Variants in JMY observed in about 807,000 individuals in gnomAD.
The protein encoded by JMY is junction-mediating and -regulatory protein.
A neutral mutation model predicts 103.3 loss-of-function variants in JMY; 46 were observed. The observed-to-expected ratio is 0.45, with a 90% CI of 0.35 to 0.57. The LOEUF (loss-of-function observed/expected upper bound fraction) is 0.57, where lower values mean the gene tolerates loss of function less well. JMY is among the 20% of genes least tolerant of loss of function. The probability of loss-of-function intolerance (pLI) is 0.00; values close to 1 mark genes in which losing one functional copy is unlikely to be tolerated. For missense variants in JMY, 1,238 were observed against 1,255.2 expected, an observed-to-expected ratio of 0.99 and a Z score of 0.21; for synonymous variants, 526 against 489.3, an observed-to-expected ratio of 1.07 and a Z score of -0.99.
intron 10 of JMY, among the ~76,000 whole-genome samples, chr5:79,317,754 A>T (rs113964576): frequency 4.6e-5 from 7 of 152,160 alleles, no homozygotes; most frequent in African/African-American, 1.7e-4. Flanking sequence ...GCTGGAGTGC[A>T]GTGGCACGTT....
chr5:79,282,064 G>A (rs139250081), intron 2 of JMY, among the ~76,000 whole-genome samples: 3,161 of 152,102 alleles, frequency 0.021, 132 homozygotes, highest in African/African-American at 0.071. Flanking sequence ...AAAATTGGCC[G>A]GGCATGGTGG....
Position 79,314,274 on chromosome 5 carries a change from C to T in JMY, c.2082C>T (p.Val694=). Residue 694 remains valine, a synonymous_variant, in exon 9 of 11, where the codon GTC becomes GTT. Transcript: ENST00000396137. ...TATTTTAGAGGTATCCTGGGCAAGT[C>T]ATACTTAAATCAACCAGATTACGAC... is the stretch of plus-strand genomic sequence containing the variant. ...RTFKQRYPGQ[V]ILKSTRLRLA... is the part of the protein sequence containing the mutation. 6.2e-7 allele frequency: 1 copy of T among 1,611,306 alleles called. No individual in the cohort carries two copies. Among genetic ancestry groups the T allele is most frequent in the African/African-American group, 1.3e-5 (1 of 74,872 alleles).
intron 4 of JMY, among the ~76,000 whole-genome samples, chr5:79,298,462 G>A (rs1357805928): frequency 1.3e-5 from 2 of 152,174 alleles, no homozygotes; most frequent in Admixed American, 1.3e-4. Flanking sequence ...GCGAGTCCAC[G>A]AGTCTCAAGG....
intron 1 of JMY, among the ~76,000 whole-genome samples, chr5:79,248,413 TCTC>T (rs1220203931): frequency 6.6e-6 from 1 of 151,682 alleles, no homozygotes; most frequent in African/African-American, 2.4e-5. Context: ...TGCAAGCAAT[TCTC>T]CTGCCTCAGC....
chr5:79,275,421 A>G (rs531032877), intron 1 of JMY, among the ~76,000 whole-genome samples: 6 of 152,212 alleles, frequency 3.9e-5, no homozygotes, highest in African/African-American at 1.4e-4. Context: ...TTGGCCTCCC[A>G]CAGTGCTGGG....
intron 6 of JMY, among the ~76,000 whole-genome samples, chr5:79,305,235 T>G (rs546373018): frequency 6.6e-6 from 1 of 152,252 alleles, no homozygotes; most frequent in African/African-American, 2.4e-5. Flanking sequence ...GCAGATCACT[T>G]GAGGTCAGGA....
chr5:79,307,568 C>T (rs544730694), intron 7 of JMY, among the ~76,000 whole-genome samples: 3 of 152,194 alleles, frequency 2.0e-5, no homozygotes, highest in East Asian at 1.9e-4. Flanking sequence ...CTGCTTTAAC[C>T]TCCTGGGACT....
intron 1 of JMY, among the ~76,000 whole-genome samples, chr5:79,252,158 T>A (rs978298765): frequency 3.3e-5 from 5 of 152,082 alleles, no homozygotes; most frequent in Admixed American, 6.6e-5. Context: ...GGTTTTGGTA[T>A]GTTGTGTTTC....
chr5:79,239,208 A>G (rs1049783664), intron 1 of JMY, among the ~76,000 whole-genome samples: 2 of 152,178 alleles, frequency 1.3e-5, no homozygotes, highest in African/African-American at 2.4e-5. Context: ...GGTTTACTGT[A>G]TGCTAAATGT....
intron 1 of JMY, among the ~76,000 whole-genome samples, chr5:79,272,758 C>T (rs974484387): frequency 2.0e-5 from 3 of 152,126 alleles, no homozygotes; most frequent in African/African-American, 4.8e-5. Flanking sequence ...CTCAGCTTCC[C>T]GAGTAGCTGG....
chr5:79,270,316 T>C (rs1445692688), intron 1 of JMY, among the ~76,000 whole-genome samples: 2 of 144,352 alleles, frequency 1.4e-5, no homozygotes, highest in East Asian at 2.0e-4. Context: ...ATTTAAAATA[T>C]ATATTTACAT....
chr5:79,276,747 C>T (rs909892254), intron 1 of JMY, among the ~76,000 whole-genome samples: 1 of 152,020 alleles, frequency 6.6e-6, no homozygotes, highest in Non-Finnish European at 1.5e-5. Context: ...GCTGGGACTA[C>T]AGGTGCACGC....
At chr5:79,238,402 CAA>C (rs11390364) in intron 1 of JMY, among the ~76,000 whole-genome samples, 11 of 148,714 alleles carry the variant, frequency 7.4e-5, no homozygotes, top group Admixed American at 3.3e-4. Flanking sequence ...CTTAAAATAA[CAA>C]AAAAAAAGTG....
At chr5:79,315,052 G>GT (rs1747174373) in intron 9 of JMY, among the ~76,000 whole-genome samples, 1 of 152,114 alleles carries the variant, frequency 6.6e-6, no homozygotes, top group Non-Finnish European at 1.5e-5. Context: ...TGTTAGGCAT[G>GT]TTTTAAAAAC....
At chr5:79,263,566 C>A (rs1356895867) in intron 1 of JMY, among the ~76,000 whole-genome samples, 1 of 151,994 alleles carries the variant, frequency 6.6e-6, no homozygotes, top group African/African-American at 2.4e-5. Flanking sequence ...GCTGATTTTT[C>A]ACTTTTTTGT....
intron 1 of JMY, among the ~76,000 whole-genome samples, chr5:79,248,862 G>T (rs1744990681): frequency 6.6e-6 from 1 of 152,104 alleles, no homozygotes; most frequent in Non-Finnish European, 1.5e-5. Context: ...GGGCTCTAGT[G>T]ATCCTCCCGC....
chr5:79,318,761 T>TATATATATAGAG (rs1218912301), intron 10 of JMY, among the ~76,000 whole-genome samples: 1 of 53,612 alleles, frequency 1.9e-5, no homozygotes, highest in African/African-American at 1.7e-4. Context: ...TATATATATA[T>TATATATATAGAG]AGAGAGAGAG....
chr5:79,236,790 A>G lies in JMY; in HGVS notation c.140A>G (p.His47Arg), dbSNP rs1744516773. Reference protein sequence around the residue: ...EIEGKFAITCHNRTAQRQRSG... With the variant: ...EIEGKFAITCRNRTAQRQRSG... Reference sequence around the variant, plus strand: ...GAGGGCAAGTTTGCCATAACCTGCCACAACCGGACGGCCCAGAGGCAGAGG... The same window carrying G: ...GAGGGCAAGTTTGCCATAACCTGCCGCAACCGGACGGCCCAGAGGCAGAGG... Residue 47 changes from histidine to arginine, a missense_variant, in exon 1 of 11, where the codon CAC becomes CGC. His to Arg is a conservative substitution (Grantham distance 29). Transcript: ENST00000396137. 1 of 1,511,094 alleles carries G rather than the reference A, an allele frequency of 6.6e-7. No homozygotes were observed. 93.6% of individuals were successfully genotyped at this position (1,511,094 alleles called of 1,614,324 possible). A position where few individuals can be genotyped will look rare whatever the true frequency, so the allele number is the denominator to read the frequency against.
chr5:79,302,379 A>G (rs1479382729), intron 6 of JMY, among the ~76,000 whole-genome samples: 10 of 152,196 alleles, frequency 6.6e-5, no homozygotes, highest in East Asian at 1.9e-4. Flanking sequence ...AGCAAGGCAT[A>G]GTCCCTGCTC....
Sources: allele counts gnomAD v4.1 joint callset (sites outside exome capture counted in the v4.1 genomes callset), GRCh38; gene constraint gnomAD v4.1.1; transcripts MANE v1.5; gene names NCBI Gene and HGNC (gene_info 2026-07-23, HGNC 2026-07-21).